Variants in PTER observed in about 807,000 individuals in gnomAD.
PTER encodes the protein N-acetyltaurine hydrolase.
A neutral mutation model predicts 29.6 loss-of-function variants in PTER; 38 were observed. The ratio of observed to expected loss-of-function variants is 1.28; its 90% CI spans 0.99 to 1.68. The LOEUF (loss-of-function observed/expected upper bound fraction) is 1.68. PTER is among the 40% of genes most tolerant of loss of function. The pLI is 0.00. For missense variants in PTER, 482 were observed against 427.8 expected (o/e 1.13, Z -1.12); for synonymous variants, 172 against 154.5 (o/e 1.11, Z -0.84).
intron 1 of PTER, among the ~76,000 whole-genome samples, chr10:16,469,592 G>A (rs1376674168): frequency 6.6e-6 from 1 of 152,140 alleles, no homozygotes; most frequent in Non-Finnish European, 1.5e-5. Context: ...CAGGAGTCTT[G>A]GATGAAATCT....
chr10:16,491,472 G>A (rs557666178), intron 3 of PTER, among the ~76,000 whole-genome samples: 24 of 152,244 alleles, frequency 1.6e-4, no homozygotes, highest in South Asian at 1.0e-3. Flanking sequence ...GATCTGAGCC[G>A]TACTGAAAGG....
intron 1 of PTER, among the ~76,000 whole-genome samples, chr10:16,480,010 TGGTGCAAATGTAATCAC>T (rs969812043): frequency 1.4e-5 from 2 of 142,050 alleles, no homozygotes; most frequent in African/African-American, 5.1e-5. Flanking sequence ...AGTATTAGGT[TGGTGCAAATGTAATCAC>T]GGTCATGGCA....
At chr10:16,510,733 C>G (rs2133524990) in intron 4 of PTER, among the ~76,000 whole-genome samples, 1 of 152,180 alleles carries the variant, frequency 6.6e-6, no homozygotes, top group Non-Finnish European at 1.5e-5. Flanking sequence ...AGTGAAATGC[C>G]AAAATGGTCA....
rs1330982122 is a variant in PTER, at chr10:16,513,112, T to C, written c.*1856T>C. On this transcript the variant is annotated 3_prime_UTR_variant, in exon 5 of 5. Coordinates refer to ENST00000535784, the MANE Select transcript of PTER (RefSeq NM_001261836.2). The stretch of plus-strand genomic sequence containing the variant: ...ATTAACAGTCTGTCACAGAATGCAG[T>C]TAAAGTATTGATTGGCATATGGTAA... 6.6e-6 allele frequency: 1 copy of C among 152,180 alleles called. No individual in the cohort carries two copies. The highest frequency in any genetic ancestry group is 1.5e-5 in the Non-Finnish European group (1 of 67,970). The allele number at this position is 152,180 out of a possible 1,614,324, so 9.4% of individuals were successfully genotyped here. A position where few individuals can be genotyped will look rare whatever the true frequency, so the allele number is the denominator to read the frequency against.
intron 1 of PTER, among the ~76,000 whole-genome samples, chr10:16,452,691 TCTC>T (rs1397575320): frequency 6.6e-6 from 1 of 151,746 alleles, no homozygotes; most frequent in Non-Finnish European, 1.5e-5. Flanking sequence ...TCCTTCTCCT[TCTC>T]CTTCTCCTTC....
intron 3 of PTER, among the ~76,000 whole-genome samples, chr10:16,501,328 TACACACACAC>T (rs35321143): frequency 9.4e-5 from 11 of 117,152 alleles, no homozygotes; most frequent in African/African-American, 1.3e-4. Context: ...AATGAATAAC[TACACACACAC>T]ACACACACAC....
chr10:16,437,957 A>G (rs1379848717), intron 1 of PTER, among the ~76,000 whole-genome samples: 1 of 152,218 alleles, frequency 6.6e-6, no homozygotes, highest in Non-Finnish European at 1.5e-5. Flanking sequence ...CAGAAAGAGT[A>G]GAGCCCTATT....
intron 1 of PTER, among the ~76,000 whole-genome samples, chr10:16,478,423 T>C (rs1370473025): frequency 6.8e-6 from 1 of 146,132 alleles, no homozygotes; most frequent in Non-Finnish European, 1.5e-5. Flanking sequence ...AACCTCCGCC[T>C]CCCGGGTTCA....
chr10:16,467,182 AAGAG>A (rs1834867270), intron 1 of PTER, among the ~76,000 whole-genome samples: 1 of 152,204 alleles, frequency 6.6e-6, no homozygotes, highest in Non-Finnish European at 1.5e-5. Flanking sequence ...TTAAGACAGA[AAGAG>A]AGAGAGGAGA....
intron 4 of PTER, among the ~76,000 whole-genome samples, chr10:16,507,271 G>T (rs1836611881): frequency 6.6e-6 from 1 of 151,240 alleles, no homozygotes. Flanking sequence ...ATGTGTGTGT[G>T]TATATATATA....
At chr10:16,514,703 C>CT (rs775177429), downstream of PTER, 3 of 1,609,244 alleles carry the variant, frequency 1.9e-6, no homozygotes, top group Non-Finnish European at 2.5e-6. Flanking sequence ...TGCACTAGCA[C>CT]GCACCTATGT....
At chr10:16,439,026 G>A (rs1469817897) in intron 1 of PTER, among the ~76,000 whole-genome samples, 1 of 151,328 alleles carries the variant, frequency 6.6e-6, no homozygotes, top group Admixed American at 6.6e-5. Context: ...ATGATATTTT[G>A]GGCCAGTTTT....
intron 3 of PTER, among the ~76,000 whole-genome samples, chr10:16,490,703 T>C (rs1588620562): frequency 1.3e-5 from 2 of 150,650 alleles, no homozygotes; most frequent in African/African-American, 4.9e-5. Context: ...GAACATCTAG[T>C]CTGCCATACT....
At chr10:16,447,137 C>T (rs1294482622) in intron 1 of PTER, among the ~76,000 whole-genome samples, 3 of 133,344 alleles carry the variant, frequency 2.2e-5, no homozygotes, top group Non-Finnish European at 3.1e-5. Context: ...GTCTTGCTCT[C>T]TTGCCCAGGC....
downstream of PTER, among the ~76,000 whole-genome samples, chr10:16,518,347 T>G (rs1360087333): frequency 6.6e-6 from 1 of 152,242 alleles, no homozygotes; most frequent in Non-Finnish European, 1.5e-5. Flanking sequence ...ATAGATTTAT[T>G]TTTCTGAATT....
downstream of PTER, chr10:16,514,398 A>G (rs1836915944): frequency 4.3e-6 from 3 of 698,726 alleles, no homozygotes; most frequent in Non-Finnish European, 7.4e-6. Flanking sequence ...GTCAGGTAGC[A>G]TTTGATTTCC....
intron 1 of PTER, among the ~76,000 whole-genome samples, chr10:16,475,247 C>G (rs188442757): frequency 1.7e-3 from 253 of 152,276 alleles, no homozygotes; most frequent in African/African-American, 5.7e-3. Context: ...TGTCCCTCAT[C>G]ATTCTGTGGG....
At chr10:16,454,440 G>A (rs562255664) in intron 1 of PTER, among the ~76,000 whole-genome samples, 45 of 152,020 alleles carry the variant, frequency 3.0e-4, no homozygotes, top group African/African-American at 9.9e-4. Context: ...GCCAGGCGTG[G>A]TGGTGCACAC....
At chr10:16,443,746 A>G (rs1833920745) in intron 1 of PTER, among the ~76,000 whole-genome samples, 1 of 152,156 alleles carries the variant, frequency 6.6e-6, no homozygotes. Context: ...TGCTGTAACA[A>G]CTCGCACATA....
Sources: gnomAD v4.1 joint callset for allele counts (sites outside exome capture counted in the v4.1 genomes callset) on GRCh38, gnomAD v4.1.1 for gene constraint, MANE v1.5 for transcripts, NCBI Gene and HGNC (gene_info 2026-07-23, HGNC 2026-07-21) for gene names.